CAMKMT: variants seen among roughly 807,000 people sequenced by gnomAD.
The protein encoded by CAMKMT is calmodulin-lysine N-methyltransferase, also known as CaM KMT.
CAMKMT carries 53 observed loss-of-function variants against 48.0 expected under a neutral mutation model. The ratio of observed to expected loss-of-function variants is 1.10; its 90% CI spans 0.89 to 1.39. CAMKMT has a LOEUF of 1.39. Ranked by LOEUF, CAMKMT falls within the 40% of genes most tolerant of loss-of-function variation. CAMKMT has a pLI of 0.00. For synonymous variants in CAMKMT, 165 were observed against 152.3 expected (o/e 1.08, Z -0.61); for missense variants, 428 against 402.7 (o/e 1.06, Z -0.54).
At chr2:44,667,247 T>C (rs149180627) in intron 3 of CAMKMT, among the ~76,000 whole-genome samples, 24 of 152,326 alleles carry the variant, frequency 1.6e-4, no homozygotes, top group Non-Finnish European at 3.2e-4. Flanking sequence ...ATTGATTTCC[T>C]ATCTTCCCAT....
rs960591020 is a variant in CAMKMT, at chr2:44,618,704, C to T, written c.377-85579C>T. On this transcript the variant is annotated intron_variant, in intron 3 of 10. Transcript: ENST00000378494. This position sits in a 1 kb window ranked among gnomAD's most constrained non-coding sequence, Gnocchi z 4.0. ...TGTGTGTTTATGTGTAGTTGTCATG[C>T]TTAAAATATTCATATGAAGGTTTGA... Among the ~76,000 whole-genome samples the T allele has an allele frequency of 5.3e-5, 8 of 152,124 alleles. No homozygotes were observed. Among genetic ancestry groups the T allele is most frequent in the Non-Finnish European group, 1.0e-4 (7 of 68,020 alleles).
At chr2:44,617,655 C>T (rs750701548) in intron 3 of CAMKMT, among the ~76,000 whole-genome samples, 1 of 152,234 alleles carries the variant, frequency 6.6e-6, no homozygotes, top group Non-Finnish European at 1.5e-5. Flanking sequence ...TATTTCCTCA[C>T]TTTGAAGTTA....
chr2:44,627,505 A>G (rs983375324), intron 3 of CAMKMT, among the ~76,000 whole-genome samples: 6 of 152,036 alleles, frequency 3.9e-5, no homozygotes, highest in African/African-American at 9.7e-5. Context: ...CAGTGAATCC[A>G]TCTGAACCTG....
In CAMKMT at chr2:44,587,115, G is replaced by C. The variant is rs552728201; in HGVS notation, c.377-117168G>C. Among the ~76,000 whole-genome samples the C allele has an allele frequency of 2.0e-5, 3 of 152,178 alleles. No homozygotes were observed. The South Asian group carries it at 6.2e-4, about 32-fold the overall frequency. On this transcript the variant is annotated intron_variant, in intron 3 of 10. Coordinates refer to ENST00000378494, the MANE Select transcript of CAMKMT (RefSeq NM_024766.5). ...GTATTCAGGATTTTTTTTGCCCACT[G>C]TTAAATTTGATAATTTGTTTTCTTG...
intron 3 of CAMKMT, among the ~76,000 whole-genome samples, chr2:44,496,894 A>C (rs1372496430): frequency 6.6e-6 from 1 of 152,180 alleles, no homozygotes; most frequent in Non-Finnish European, 1.5e-5. Context: ...AGCTGCTGGC[A>C]GTGTTTTTTG....
intron 3 of CAMKMT, among the ~76,000 whole-genome samples, chr2:44,566,009 C>G (rs1289484356): frequency 2.0e-5 from 3 of 152,126 alleles, no homozygotes; most frequent in Non-Finnish European, 4.4e-5. Context: ...TTAGATGGCG[C>G]TAAAAAGTAA....
rs1482512447 is a variant in CAMKMT, at chr2:44,689,466, C to T, written c.377-14817C>T. Among the ~76,000 whole-genome samples, 5 of 152,058 alleles carry T rather than the reference C, an allele frequency of 3.3e-5. No homozygotes were observed. In the South Asian group the frequency reaches 1.0e-3, roughly 32 times the overall value. On this transcript the variant is annotated intron_variant, in intron 3 of 10. Coordinates refer to ENST00000378494, the MANE Select transcript of CAMKMT (RefSeq NM_024766.5). ...TTAAAAGGGAAAAGGGTGATCTCATCAGAATGATGGCCTGTTCATCCCACC... is the reference window on the plus strand; with the variant it reads ...TTAAAAGGGAAAAGGGTGATCTCATTAGAATGATGGCCTGTTCATCCCACC...
intron 8 of CAMKMT, among the ~76,000 whole-genome samples, chr2:44,753,249 C>CAAAAAAAAAAAAA (rs772390371): frequency 1.5e-5 from 1 of 65,462 alleles, no homozygotes; most frequent in African/African-American, 6.8e-5. Flanking sequence ...CCTGTCCCTA[C>CAAAAAAAAAAAAA]AAAAAAAAAA....
At chr2:44,674,563 T>G (rs889747415) in intron 3 of CAMKMT, among the ~76,000 whole-genome samples, 2 of 152,208 alleles carry the variant, frequency 1.3e-5, no homozygotes, top group African/African-American at 4.8e-5. Context: ...TGCTTGTCTC[T>G]CAGACTGCTG....
intron 3 of CAMKMT, among the ~76,000 whole-genome samples, chr2:44,544,926 T>C (rs1667314357): frequency 6.6e-6 from 1 of 152,220 alleles, no homozygotes; most frequent in Non-Finnish European, 1.5e-5. Context: ...GACTAGGTTA[T>C]TATAAATAAT....
At chr2:44,768,361 A>ATATATATATATATATATTTTTTT (rs35058824) in intron 10 of CAMKMT, among the ~76,000 whole-genome samples, 67 of 115,678 alleles carry the variant, frequency 5.8e-4, no homozygotes, top group African/African-American at 2.4e-3. Context: ...ATATATATAT[A>ATATATATATATATATATTTTTTT]TTTTTTTTTT....
At chr2:44,596,851 T>C (rs935723756) in intron 3 of CAMKMT, among the ~76,000 whole-genome samples, 2 of 152,188 alleles carry the variant, frequency 1.3e-5, no homozygotes, top group Admixed American at 1.3e-4. Context: ...ATTATGCATA[T>C]ATAATAGATT....
At chr2:44,656,937 T>A (rs550275900) in intron 3 of CAMKMT, among the ~76,000 whole-genome samples, 3 of 152,318 alleles carry the variant, frequency 2.0e-5, no homozygotes, top group Admixed American at 2.0e-4. Context: ...CATCTCCTTA[T>A]ACACCAGGGC....
chr2:44,772,195 T>TA lies in CAMKMT; in HGVS notation c.*84dup. On this transcript the variant is annotated 3_prime_UTR_variant, in exon 11 of 11. Transcript: ENST00000378494. ...CAAAAACGGAAATCTGTAAGGGGTA[T>TA]AATCGCCTGCCTGCGCCCTTTGCAG... is the stretch of plus-strand genomic sequence containing the variant. The TA allele has an allele frequency of 8.6e-7, 1 of 1,169,452 alleles. No individual in the cohort carries two copies. The highest frequency in any genetic ancestry group is 1.3e-5 in the South Asian group (1 of 78,832). 72.4% of individuals were successfully genotyped at this position (1,169,452 alleles called of 1,614,324 possible). A position where few individuals can be genotyped will look rare whatever the true frequency, so the allele number is the denominator to read the frequency against.
intron 3 of CAMKMT, among the ~76,000 whole-genome samples, chr2:44,497,701 A>G (rs374609701): frequency 5.0e-5 from 6 of 121,168 alleles, no homozygotes; most frequent in African/African-American, 1.9e-4. Flanking sequence ...AAAAAAATTA[A>G]GCAGGCAAAG....
At chr2:44,634,188 G>A (rs940970193) in intron 3 of CAMKMT, among the ~76,000 whole-genome samples, 2 of 151,874 alleles carry the variant, frequency 1.3e-5, no homozygotes, top group Admixed American at 6.6e-5. Flanking sequence ...ACTCTGCATC[G>A]GTTTCTGAAA....
intron 3 of CAMKMT, among the ~76,000 whole-genome samples, chr2:44,563,351 A>T (rs1246808993): frequency 6.6e-6 from 1 of 151,730 alleles, no homozygotes; most frequent in African/African-American, 2.4e-5. Context: ...ATTTTCTTCT[A>T]CAATATTATT....
chr2:44,505,842 CTTTATTTATTTATTTATTTATTTATTTA>C (rs59024414), intron 3 of CAMKMT, among the ~76,000 whole-genome samples: 1 of 148,326 alleles, frequency 6.7e-6, no homozygotes, highest in African/African-American at 2.5e-5. Flanking sequence ...AGTTTATTTA[CTTTATTTATTTATTTATTTATTTATTTA>C]TTTATTTATT....
At chr2:44,514,101 CAAAAAAA>C (rs5830791) in intron 3 of CAMKMT, among the ~76,000 whole-genome samples, 2 of 115,320 alleles carry the variant, frequency 1.7e-5, no homozygotes, top group Non-Finnish European at 3.6e-5. Context: ...GACCCTGTCT[CAAAAAAA>C]AAAAAAAAAG....
Sources: gnomAD v4.1 joint callset for allele counts (sites outside exome capture counted in the v4.1 genomes callset) on GRCh38, gnomAD v4.1.1 for gene constraint, Gnocchi (gnomAD v3.1) non-coding constraint, MANE v1.5 for transcripts, NCBI Gene and HGNC (gene_info 2026-07-23, HGNC 2026-07-21) for gene names.